The following ETV5 variants were observed in gnomAD, a reference collection of about 807,000 sequenced individuals.
ETV5 encodes ETS variant transcription factor 5, also known as ETS translocation variant 5.
ETV5 carries 10 observed loss-of-function variants against 70.0 expected under a neutral mutation model. The observed-to-expected ratio is 0.14, with a 90% confidence interval of 0.09 to 0.24. The LOEUF is 0.24. ETV5 is among the 10% of genes least tolerant of loss of function. The pLI is 1.00. For synonymous variants in ETV5, 216 were observed against 242.2 expected (o/e 0.89, Z 1.01); for missense variants, 453 against 651.2 (o/e 0.70, Z 3.31).
At chr3:186,076,521 G>C (rs143581102) in intron 7 of ETV5, 1 of 182,644 alleles carries the variant, frequency 5.5e-6, no homozygotes, top group East Asian at 9.0e-5. Flanking sequence ...CAGGACTCCC[G>C]AGGGCAAGTG....
At chr3:186,104,381 A>C (rs1228923444) in intron 5 of ETV5, among the ~76,000 whole-genome samples, 1 of 152,196 alleles carries the variant, frequency 6.6e-6, no homozygotes, top group African/African-American at 2.4e-5. Flanking sequence ...TCTAGTAATG[A>C]GCACTTAGTG....
chr3:186,106,499 A>C (rs1306006829), intron 1 of ETV5, among the ~76,000 whole-genome samples: 1 of 152,230 alleles, frequency 6.6e-6, no homozygotes, highest in Non-Finnish European at 1.5e-5. Flanking sequence ...ATCTTCACAC[A>C]CAACTCTTTA....
At chr3:186,083,123 A>C (rs544218414) in intron 5 of ETV5, among the ~76,000 whole-genome samples, 4 of 152,194 alleles carry the variant, frequency 2.6e-5, no homozygotes, top group Non-Finnish European at 5.9e-5. Context: ...GTTGCTAGTA[A>C]ATGAGAATTT....
intron 9 of ETV5, among the ~76,000 whole-genome samples, chr3:186,063,226 T>C (rs1713351631): frequency 6.6e-6 from 1 of 152,084 alleles, no homozygotes; most frequent in Non-Finnish European, 1.5e-5. Flanking sequence ...GCGGAGATCA[T>C]GCCACTGCAC....
chr3:186,081,819 G>T (rs2150149820), intron 5 of ETV5, among the ~76,000 whole-genome samples: 1 of 152,288 alleles, frequency 6.6e-6, no homozygotes, highest in East Asian at 1.9e-4. Flanking sequence ...CAGAAAGCCT[G>T]GCTACCTTTG....
chr3:186,071,266 G>A (rs1416563324), intron 7 of ETV5, among the ~76,000 whole-genome samples: 3 of 152,106 alleles, frequency 2.0e-5, no homozygotes, highest in Non-Finnish European at 4.4e-5. Flanking sequence ...GTGAAGCAGT[G>A]GCCGTTTAAA....
intron 6 of ETV5, chr3:186,080,543 T>G: frequency 4.3e-6 from 1 of 233,214 alleles, no homozygotes; most frequent in East Asian, 6.1e-5. Context: ...TAACAACTCT[T>G]CTCCTCCCCC....
intron 12 of ETV5, among the ~76,000 whole-genome samples, chr3:186,050,421 G>A (rs1282324074): frequency 6.6e-6 from 1 of 152,160 alleles, no homozygotes; most frequent in East Asian, 1.9e-4. Flanking sequence ...TGCTGGATGT[G>A]GAGTTGGGAA....
chr3:186,085,251 AAGAG>A (rs2150150762), intron 5 of ETV5, among the ~76,000 whole-genome samples: 1 of 152,296 alleles, frequency 6.6e-6, no homozygotes, highest in African/African-American at 2.4e-5. Flanking sequence ...AGACCAATCA[AAGAG>A]AGAATAAAAG....
At chr3:186,091,517 T>C (rs1714181708) in intron 5 of ETV5, among the ~76,000 whole-genome samples, 1 of 152,068 alleles carries the variant, frequency 6.6e-6, no homozygotes, top group Non-Finnish European at 1.5e-5. Context: ...GTACAATAAA[T>C]AACGCAAGAG....
chr3:186,062,297 G>T (rs1305223669), intron 9 of ETV5, among the ~76,000 whole-genome samples: 1 of 152,200 alleles, frequency 6.6e-6, no homozygotes, highest in Non-Finnish European at 1.5e-5. Flanking sequence ...TACTCTTACA[G>T]CCACGTGCCC....
intron 5 of ETV5, among the ~76,000 whole-genome samples, chr3:186,104,618 C>T (rs932486923): frequency 6.6e-6 from 1 of 151,838 alleles, no homozygotes; most frequent in Non-Finnish European, 1.5e-5. Context: ...ACATCAAGGA[C>T]TTAATTTATA....
chr3:186,076,789 C>G (rs2150148210), intron 7 of ETV5, among the ~76,000 whole-genome samples: 1 of 151,600 alleles, frequency 6.6e-6, no homozygotes, highest in African/African-American at 2.4e-5. Flanking sequence ...GCACACCCAG[C>G]AAAACAAAAA....
At chr3:186,104,618 C>A (rs932486923) in intron 5 of ETV5, among the ~76,000 whole-genome samples, 2 of 151,838 alleles carry the variant, frequency 1.3e-5, no homozygotes, top group Admixed American at 1.3e-4. Flanking sequence ...ACATCAAGGA[C>A]TTAATTTATA....
At chr3:186,085,498 G>A (rs538306668) in intron 5 of ETV5, among the ~76,000 whole-genome samples, 2 of 147,340 alleles carry the variant, frequency 1.4e-5, no homozygotes, top group African/African-American at 5.1e-5. Flanking sequence ...TCTGACTCCA[G>A]TAGCCTTCGT....
chr3:186,070,990 TA>T, intron 7 of ETV5, among the ~76,000 whole-genome samples: 1 of 152,196 alleles, frequency 6.6e-6, no homozygotes, highest in East Asian at 1.9e-4. Context: ...CTAAATTCAA[TA>T]GGTCACAGTT....
intron 11 of ETV5, among the ~76,000 whole-genome samples, chr3:186,055,645 T>A (rs1201463979): frequency 1.3e-5 from 2 of 152,186 alleles, no homozygotes; most frequent in African/African-American, 2.4e-5. Flanking sequence ...AAGTCTGCCT[T>A]CTTCTCCTAT....
Position 186,053,959 on chromosome 3 carries a change from T to C in ETV5, c.1210-1828A>G, listed in dbSNP as rs532629565. 1.2e-4 allele frequency among the ~76,000 whole-genome samples: 19 copies of C among 152,380 alleles called. No individual in the cohort carries two copies. The South Asian group carries it at 1.9e-3, about 15-fold the overall frequency. ...GAAGCCCAGCCTCATCATTTTACTATGTTAAGGGGTGGAAAACAATCCTTG... is the reference window on the plus strand; with the variant it reads ...GAAGCCCAGCCTCATCATTTTACTACGTTAAGGGGTGGAAAACAATCCTTG... On this transcript the variant is annotated intron_variant, in intron 11 of 12. Transcript: ENST00000306376.
chr3:186,073,268 T>C (rs1471779162), intron 7 of ETV5, among the ~76,000 whole-genome samples: 2 of 152,232 alleles, frequency 1.3e-5, no homozygotes, highest in Non-Finnish European at 1.5e-5. Flanking sequence ...TTTAAGGAAG[T>C]GTCCTTTAGT....
Sources: gnomAD v4.1 joint callset for allele counts (sites outside exome capture counted in the v4.1 genomes callset) on GRCh38, gnomAD v4.1.1 for gene constraint, MANE v1.5 for transcripts, NCBI Gene and HGNC (gene_info 2026-07-23, HGNC 2026-07-21) for gene names.